Variants in AGBL4 observed in about 807,000 individuals in gnomAD.
The protein encoded by AGBL4 is AGBL carboxypeptidase 4, also known as cytosolic carboxypeptidase 6.
Under a neutral mutation model 66.4 loss-of-function variants are expected in AGBL4, and 58 were observed. That is an observed-to-expected ratio of 0.87 (90% CI 0.71 to 1.09). AGBL4 has a LOEUF of 1.09. Among genes scored for constraint, AGBL4 ranks in the 50% least tolerant of loss-of-function variants. The probability of loss-of-function intolerance (pLI) is 0.00; values close to 1 mark genes in which losing one functional copy is unlikely to be tolerated. For missense variants in AGBL4, 579 were observed against 631.0 expected (o/e 0.92, Z 0.88); for synonymous variants, 234 against 222.9 (o/e 1.05, Z -0.44).
At position 49,553,274 on chromosome 1, in the gene AGBL4, T is replaced by C. The variant is rs184425997; in HGVS notation, c.282+144039A>G. 2.6e-5 allele frequency among the ~76,000 whole-genome samples: 4 copies of C among 152,314 alleles called. No homozygotes were observed. In the East Asian group the frequency reaches 7.7e-4, roughly 29 times the overall value. ...TTGGGCAAATTAATACATCTCTCTG[T>C]TCTTTACTACTCTCTATTCCTATAA... On this transcript the variant is annotated intron_variant, in intron 3 of 13. Coordinates refer to ENST00000371839, the MANE Select transcript of AGBL4 (RefSeq NM_032785.4).
chr1:48,876,758 G>A (rs1649275453), intron 5 of AGBL4, among the ~76,000 whole-genome samples: 1 of 152,144 alleles, frequency 6.6e-6, no homozygotes, highest in Non-Finnish European at 1.5e-5. Context: ...TTCCCTGATA[G>A]GGCTTTGAGA....
chr1:49,830,052 T>C (rs1041954508), intron 2 of AGBL4, among the ~76,000 whole-genome samples: 30 of 152,322 alleles, frequency 2.0e-4, no homozygotes, highest in African/African-American at 6.7e-4. Context: ...GTCTTTGCTA[T>C]TGTGAACAGT....
intron 2 of AGBL4, among the ~76,000 whole-genome samples, chr1:49,705,945 C>G (rs996609989): frequency 1.3e-5 from 2 of 152,090 alleles, no homozygotes; most frequent in African/African-American, 4.8e-5. Flanking sequence ...ATTCAGTTTG[C>G]CAGTATTTTA....
intron 5 of AGBL4, among the ~76,000 whole-genome samples, chr1:48,893,578 G>A (rs1181433266): frequency 1.3e-5 from 2 of 151,944 alleles, no homozygotes; most frequent in Non-Finnish European, 2.9e-5. Flanking sequence ...CCAGCTACTC[G>A]GGAGGCTGAG....
intron 4 of AGBL4, among the ~76,000 whole-genome samples, chr1:49,117,528 G>A (rs2148035164): frequency 6.6e-6 from 1 of 152,292 alleles, no homozygotes; most frequent in Admixed American, 6.5e-5. Flanking sequence ...TCAGATGGTT[G>A]TAGATGTGTG....
intron 6 of AGBL4, among the ~76,000 whole-genome samples, chr1:48,848,084 T>A (rs184975926): frequency 5.3e-4 from 80 of 152,030 alleles, no homozygotes; most frequent in African/African-American, 1.7e-3. Flanking sequence ...AGCATTTATG[T>A]GAAGAAAAAA....
chr1:49,987,295 T>C (rs1224166145), intron 1 of AGBL4, among the ~76,000 whole-genome samples: 1 of 152,064 alleles, frequency 6.6e-6, no homozygotes, highest in East Asian at 1.9e-4. Context: ...GAAACAAGCC[T>C]TCTAGCCAAA....
intron 4 of AGBL4, among the ~76,000 whole-genome samples, chr1:49,164,708 T>C (rs1646602343): frequency 6.6e-6 from 1 of 152,164 alleles, no homozygotes; most frequent in South Asian, 2.1e-4. Flanking sequence ...TATTTTGTCA[T>C]CTGTTGCCTA....
At chr1:49,323,448 A>ATTTTTTT (rs11295329) in intron 3 of AGBL4, among the ~76,000 whole-genome samples, 118 of 114,782 alleles carry the variant, frequency 1.0e-3, no homozygotes, top group East Asian at 2.1e-3. Flanking sequence ...TGCCTGGCTA[A>ATTTTTTT]TTTTTTTTTT....
At chr1:49,806,163 T>C (rs748275211) in intron 2 of AGBL4, among the ~76,000 whole-genome samples, 7 of 152,184 alleles carry the variant, frequency 4.6e-5, no homozygotes, top group Non-Finnish European at 7.3e-5. Context: ...AGGGGAGTTA[T>C]AGAGAAAGCC....
At chr1:48,673,817 T>C (rs1646316118) in intron 6 of AGBL4, among the ~76,000 whole-genome samples, 1 of 152,216 alleles carries the variant, frequency 6.6e-6, no homozygotes, top group Non-Finnish European at 1.5e-5. Context: ...TGCCCAGGAC[T>C]ATACAGTTTA....
intron 4 of AGBL4, among the ~76,000 whole-genome samples, chr1:49,113,906 T>G (rs980573060): frequency 6.6e-6 from 1 of 152,148 alleles, no homozygotes; most frequent in Non-Finnish European, 1.5e-5. Flanking sequence ...TATAAACAAA[T>G]GTACTGTCAA....
intron 3 of AGBL4, among the ~76,000 whole-genome samples, chr1:49,531,915 CAT>C (rs1387785510): frequency 6.6e-6 from 1 of 152,062 alleles, no homozygotes; most frequent in Non-Finnish European, 1.5e-5. Context: ...AAACTATACA[CAT>C]ATGCTAATGG....
chr1:48,578,900 TC>T (rs1644694151), intron 11 of AGBL4, among the ~76,000 whole-genome samples: 4 of 152,072 alleles, frequency 2.6e-5, no homozygotes, highest in Admixed American at 2.6e-4. Context: ...GGGTTTTAAC[TC>T]ACAGTCTAGC....
intron 3 of AGBL4, among the ~76,000 whole-genome samples, chr1:49,357,249 A>G (rs1644039007): frequency 6.6e-6 from 1 of 152,124 alleles, no homozygotes; most frequent in African/African-American, 2.4e-5. Context: ...TCATCTTGCT[A>G]TTAGTTGATA....
chr1:49,230,625 A>C (rs1479335261), intron 4 of AGBL4, among the ~76,000 whole-genome samples: 1 of 152,234 alleles, frequency 6.6e-6, no homozygotes, highest in African/African-American at 2.4e-5. Context: ...GTTGCACTAA[A>C]GAACTCTATC....
chr1:48,951,505 A>G (rs1261692352), intron 5 of AGBL4, among the ~76,000 whole-genome samples: 1 of 152,198 alleles, frequency 6.6e-6, no homozygotes, highest in Non-Finnish European at 1.5e-5. Flanking sequence ...ATTAGGAAGT[A>G]GGAACTTCAG....
At chr1:49,059,647 A>T (rs1571346505) in intron 4 of AGBL4, among the ~76,000 whole-genome samples, 2 of 152,174 alleles carry the variant, frequency 1.3e-5, no homozygotes, top group East Asian at 3.9e-4. Context: ...AGACAATGCC[A>T]GCCTGTTAAA....
intron 3 of AGBL4, among the ~76,000 whole-genome samples, chr1:49,679,878 A>G (rs1339939067): frequency 1.3e-5 from 2 of 152,166 alleles, no homozygotes; most frequent in African/African-American, 2.4e-5. Context: ...TCTACCATTT[A>G]TAACACAATT....
Sources: gnomAD v4.1 joint callset for allele counts (sites outside exome capture counted in the v4.1 genomes callset) on GRCh38, gnomAD v4.1.1 for gene constraint, MANE v1.5 for transcripts, NCBI Gene and HGNC (gene_info 2026-07-23, HGNC 2026-07-21) for gene names.